Variants in TRHDE observed in about 807,000 individuals in gnomAD.
TRHDE encodes thyrotropin-releasing hormone-degrading ectoenzyme.
A neutral mutation model predicts 125.7 loss-of-function variants in TRHDE; 72 were observed. The observed-to-expected ratio is 0.57, with a 90% CI of 0.47 to 0.70. The LOEUF (loss-of-function observed/expected upper bound fraction) is 0.70. TRHDE is among the 30% of genes least tolerant of loss of function. The probability of loss-of-function intolerance (pLI) is 0.00; values close to 1 mark genes in which losing one functional copy is unlikely to be tolerated. For synonymous variants in TRHDE, 509 were observed against 509.1 expected, an observed-to-expected ratio of 1.00 and a Z score of 0.00; for missense variants, 1,110 against 1,327.1, an observed-to-expected ratio of 0.84 and a Z score of 2.54.
chr12:72,510,352 T>C (rs1878532919), intron 6 of TRHDE, among the ~76,000 whole-genome samples: 1 of 152,226 alleles, frequency 6.6e-6, no homozygotes, highest in Non-Finnish European at 1.5e-5. Flanking sequence ...TGTAAAATGG[T>C]TGGACAATAG....
At chr12:72,404,522 C>A (rs955058839) in intron 3 of TRHDE, among the ~76,000 whole-genome samples, 3 of 152,158 alleles carry the variant, frequency 2.0e-5, no homozygotes, top group Non-Finnish European at 2.9e-5. Flanking sequence ...AATTGACTCA[C>A]AGTTTCACAT....
At chr12:72,572,680 GACATACTTAAGA>G (rs1489079624) in intron 10 of TRHDE, among the ~76,000 whole-genome samples, 2 of 152,000 alleles carry the variant, frequency 1.3e-5, no homozygotes, top group African/African-American at 4.8e-5. Context: ...ATTTAATAAT[GACATACTTAAGA>G]ACAATAGAGG....
chr12:72,134,741 C>T (rs1378176310), intron 2 of TRHDE, among the ~76,000 whole-genome samples: 1 of 151,912 alleles, frequency 6.6e-6, no homozygotes, highest in African/African-American at 2.4e-5. Context: ...TGACATTCTG[C>T]AATTCTAAAT....
chr12:72,195,309 C>A (rs1877419745), intron 2 of TRHDE, among the ~76,000 whole-genome samples: 1 of 152,126 alleles, frequency 6.6e-6, no homozygotes. Flanking sequence ...GTTTTAAATT[C>A]TTTAAGAAAT....
chr12:72,206,566 G>A (rs1877669837), intron 2 of TRHDE, among the ~76,000 whole-genome samples: 1 of 152,112 alleles, frequency 6.6e-6, no homozygotes, highest in African/African-American at 2.4e-5. Flanking sequence ...TCTATGTCCT[G>A]TTGGTTATAT....
chr12:72,313,837 C>G (rs56297022), intron 2 of TRHDE, among the ~76,000 whole-genome samples: 29 of 152,102 alleles, frequency 1.9e-4, no homozygotes, highest in East Asian at 7.7e-4. Flanking sequence ...CAGATTTCTT[C>G]CCTGATCAGG....
intron 2 of TRHDE, among the ~76,000 whole-genome samples, chr12:72,120,306 TC>T: frequency 6.6e-6 from 1 of 151,990 alleles, no homozygotes; most frequent in South Asian, 2.1e-4. Flanking sequence ...GACTCGGGCT[TC>T]CAAAGTGCTG....
At chr12:72,463,931 C>G (rs915950380) in intron 3 of TRHDE, among the ~76,000 whole-genome samples, 1 of 152,104 alleles carries the variant, frequency 6.6e-6, no homozygotes, top group Non-Finnish European at 1.5e-5. Flanking sequence ...ATTCTTTGGA[C>G]CTTTTGCAAA....
chr12:72,175,299 C>G (rs1876963317), intron 2 of TRHDE, among the ~76,000 whole-genome samples: 1 of 152,184 alleles, frequency 6.6e-6, no homozygotes, highest in African/African-American at 2.4e-5. Flanking sequence ...TCCTCAAGGT[C>G]CAGCCATGCT....
chr12:72,667,559 A>G lies in TRHDE; in HGVS notation c.*4364A>G, dbSNP rs557511752. ...GAACTCATATTACAATAAATGAAAA[A>G]GAAAAAGAAATAATGAACCAAGGGA... On this transcript the variant is annotated 3_prime_UTR_variant, in exon 19 of 19. Transcript: ENST00000261180. 6.6e-6 allele frequency: 1 copy of G among 151,754 alleles called. No homozygotes were observed. The highest frequency in any genetic ancestry group is 2.1e-4 in the South Asian group (1 of 4,826). The allele number at this position is 151,754 out of a possible 1,614,324, so 9.4% of individuals were successfully genotyped here.
At chr12:72,189,641 G>A (rs1264522766) in intron 2 of TRHDE, among the ~76,000 whole-genome samples, 1 of 152,172 alleles carries the variant, frequency 6.6e-6, no homozygotes, top group Non-Finnish European at 1.5e-5. Context: ...CCAGTGATTT[G>A]GGATATGAAG....
intron 2 of TRHDE, among the ~76,000 whole-genome samples, chr12:72,112,610 C>A (rs983160605): frequency 4.6e-5 from 7 of 152,112 alleles, no homozygotes; most frequent in Non-Finnish European, 1.0e-4. Flanking sequence ...TTTCAACACA[C>A]TTTCATAGAT....
Position 72,273,100 on chromosome 12 carries a change from C to T in TRHDE, c.457C>T (p.Gln153Ter). ...CCACCACGCAGGCGGGGACTCCTGGCAGCCCGAGGCGGGTGGGGTGGCCAG... is the reference window on the plus strand; with the variant it reads ...CCACCACGCAGGCGGGGACTCCTGGTAGCCCGAGGCGGGTGGGGTGGCCAG... ...RNHHAGGDSW[Q>*]PEAGGVASPG... Residue 153 changes from glutamine (Q) to a stop codon, truncating the protein, a stop_gained, in exon 1 of 19, where the codon CAG becomes TAG. Coordinates refer to ENST00000261180, the MANE Select transcript of TRHDE (RefSeq NM_013381.3). LOFTEE classifies it high-confidence loss of function. The surrounding 1 kb of genome is among the most constrained non-coding windows in gnomAD (Gnocchi z 5.3). 1 of 1,520,822 alleles carries T rather than the reference C, an allele frequency of 6.6e-7. No homozygotes were observed. The highest frequency in any genetic ancestry group is 8.8e-7 in the Non-Finnish European group (1 of 1,135,188). 94.2% of individuals were successfully genotyped at this position (1,520,822 alleles called of 1,614,324 possible).
intron 12 of TRHDE, among the ~76,000 whole-genome samples, chr12:72,579,236 C>T (rs1035195356): frequency 3.3e-5 from 5 of 151,764 alleles, no homozygotes; most frequent in South Asian, 2.1e-4. Flanking sequence ...CTCCATCAAC[C>T]ATGTGTGAGC....
intron 7 of TRHDE, among the ~76,000 whole-genome samples, chr12:72,549,665 T>A (rs1869583543): frequency 6.6e-6 from 1 of 151,850 alleles, no homozygotes; most frequent in Non-Finnish European, 1.5e-5. Context: ...AATTTATTAA[T>A]GACCTAACTA....
At chr12:72,616,371 A>G (rs1036115694) in intron 12 of TRHDE, among the ~76,000 whole-genome samples, 2 of 152,082 alleles carry the variant, frequency 1.3e-5, no homozygotes, top group African/African-American at 4.8e-5. Context: ...AGTAGATTAA[A>G]TTGTAGATAT....
intron 2 of TRHDE, among the ~76,000 whole-genome samples, chr12:72,145,826 C>T (rs893656748): frequency 6.6e-6 from 1 of 152,082 alleles, no homozygotes; most frequent in Non-Finnish European, 1.5e-5. Context: ...CTCAGCTGTT[C>T]CCCCAGTGCA....
Position 72,135,893 on chromosome 12 carries a change from C to T in TRHDE, n.279+30141C>T, listed in dbSNP as rs553426282. On this transcript the variant is annotated intron_variant and non_coding_transcript_variant, in intron 2 of 4. Transcript: ENST00000548156. ...TTTTTTGTGATCAGTACTGACATCA[C>T]GGTACTGGGCAGCTCAGTAATGGAT... 4.6e-5 allele frequency among the ~76,000 whole-genome samples: 7 copies of T among 151,900 alleles called. No individual in the cohort carries two copies. In the East Asian group the frequency reaches 5.8e-4, roughly 13 times the overall value.
At chr12:72,156,289 C>G (rs915094901) in intron 2 of TRHDE, among the ~76,000 whole-genome samples, 3 of 152,206 alleles carry the variant, frequency 2.0e-5, no homozygotes, top group Non-Finnish European at 4.4e-5. Context: ...CAGGTGACAT[C>G]TGTCACCCCT....
Sources: gnomAD v4.1 joint callset for allele counts (sites outside exome capture counted in the v4.1 genomes callset) on GRCh38, gnomAD v4.1.1 for gene constraint, Gnocchi (gnomAD v3.1) non-coding constraint, MANE v1.5 for transcripts, NCBI Gene and HGNC (gene_info 2026-07-23, HGNC 2026-07-21) for gene names.